ASCC3: variants seen among roughly 807,000 people sequenced by gnomAD.
ASCC3 encodes activating signal cointegrator 1 complex subunit 3.
ASCC3 carries 158 observed loss-of-function variants against 256.3 expected under a neutral mutation model. The ratio of observed to expected loss-of-function variants is 0.62; its 90% CI spans 0.54 to 0.70. The LOEUF is 0.70. ASCC3 is among the 30% of genes least tolerant of loss of function. The pLI is 0.00. For synonymous variants in ASCC3, 948 were observed against 883.4 expected (o/e 1.07, Z -1.30); for missense variants, 2,259 against 2,626.0 (o/e 0.86, Z 3.05).
intron 4 of ASCC3, among the ~76,000 whole-genome samples, chr6:100,809,942 C>CA (rs1421216936): frequency 2.0e-5 from 3 of 152,114 alleles, no homozygotes; most frequent in African/African-American, 7.2e-5. Flanking sequence ...CCCATTATGT[C>CA]ATATGCCCTG....
chr6:100,739,233 T>C (rs1021880842), intron 10 of ASCC3, among the ~76,000 whole-genome samples: 17 of 152,236 alleles, frequency 1.1e-4, no homozygotes, highest in African/African-American at 4.1e-4. Flanking sequence ...GTTTATACAA[T>C]GAATCACATT....
intron 36 of ASCC3, among the ~76,000 whole-genome samples, chr6:100,555,995 C>T (rs1385781290): frequency 6.6e-6 from 1 of 152,104 alleles, no homozygotes; most frequent in Non-Finnish European, 1.5e-5. Flanking sequence ...AACCACATCT[C>T]AAAAACAAAC....
chr6:100,590,199 A>G, intron 34 of ASCC3, 140 bp from the exon 35 acceptor site: 1 of 679,624 alleles, frequency 1.5e-6, no homozygotes, highest in South Asian at 1.9e-5. Context: ...AAACTCACAG[A>G]AATATTAATC....
chr6:100,718,371 A>G (rs572980677), intron 11 of ASCC3, 120 bp from the exon 12 acceptor site: 8 of 741,036 alleles, frequency 1.1e-5, no homozygotes, highest in South Asian at 2.0e-5. Context: ...GTAGAGGTCA[A>G]TTGAGGGTCC....
intron 4 of ASCC3, among the ~76,000 whole-genome samples, chr6:100,827,687 T>C (rs1023814292): frequency 2.6e-5 from 4 of 152,142 alleles, no homozygotes; most frequent in African/African-American, 7.2e-5. Context: ...AGCAAACAAA[T>C]CCTATACAGA....
intron 13 of ASCC3, among the ~76,000 whole-genome samples, chr6:100,693,212 G>A (rs927802877): frequency 1.2e-4 from 19 of 152,042 alleles, no homozygotes; most frequent in Non-Finnish European, 2.5e-4. Flanking sequence ...TTGAAAACTT[G>A]ATATTGTTAC....
intron 36 of ASCC3, among the ~76,000 whole-genome samples, chr6:100,547,838 T>C (rs1426288815): frequency 6.6e-6 from 1 of 151,810 alleles, no homozygotes; most frequent in East Asian, 1.9e-4. Flanking sequence ...CAAAGACTTG[T>C]ACACAGTAGT....
intron 4 of ASCC3, among the ~76,000 whole-genome samples, chr6:100,833,233 A>G (rs1048543113): frequency 7.9e-5 from 12 of 152,172 alleles, no homozygotes; most frequent in Admixed American, 4.6e-4. Flanking sequence ...GATTTCAACT[A>G]TATGACATCT....
intron 5 of ASCC3, among the ~76,000 whole-genome samples, chr6:100,801,981 CATT>C (rs1286493873): frequency 5.4e-5 from 8 of 148,306 alleles, no homozygotes; most frequent in African/African-American, 1.5e-4. Flanking sequence ...ATGCTAAAGT[CATT>C]AACATTTTAA....
At chr6:100,568,249 T>G (rs961703552) in intron 36 of ASCC3, among the ~76,000 whole-genome samples, 3 of 151,246 alleles carry the variant, frequency 2.0e-5, no homozygotes, top group African/African-American at 7.3e-5. Flanking sequence ...GCGCCTATAA[T>G]CCCAGCTACT....
At position 100,866,084 on chromosome 6, in the gene ASCC3, C is replaced by T. The variant is rs574389876; in HGVS notation, c.90+1824G>A. 3.3e-5 allele frequency among the ~76,000 whole-genome samples: 5 copies of T among 152,174 alleles called. No individual in the cohort carries two copies. The South Asian group carries it at 1.0e-3, about 32-fold the overall frequency. ...TTCCAGGTTCAAGCAATTCTCCTGC[C>T]TCAGCCTCCTGAGTAGCTGGGATTA... On this transcript the variant is annotated intron_variant, in intron 2 of 41. Coordinates refer to ENST00000369162, the MANE Select transcript of ASCC3 (RefSeq NM_006828.4).
chr6:100,782,794 T>C (rs1336249), intron 8 of ASCC3, among the ~76,000 whole-genome samples: 1 of 151,858 alleles, frequency 6.6e-6, no homozygotes, highest in Non-Finnish European at 1.5e-5. Context: ...AGCTGCAGAA[T>C]AGTATTATAA....
intron 1 of ASCC3, among the ~76,000 whole-genome samples, chr6:100,878,852 C>T (rs536049948): frequency 1.3e-5 from 2 of 152,318 alleles, no homozygotes; most frequent in South Asian, 4.1e-4. Flanking sequence ...AGCAAACAAT[C>T]ACTTCTGCAG....
chr6:100,824,820 C>T (rs1374737684), intron 4 of ASCC3, among the ~76,000 whole-genome samples: 1 of 152,020 alleles, frequency 6.6e-6, no homozygotes, highest in Non-Finnish European at 1.5e-5. Context: ...CTCATGTGTA[C>T]TTGCATAAAT....
At chr6:100,607,242 C>T (rs1772943990) in intron 30 of ASCC3, among the ~76,000 whole-genome samples, 154 bp from the exon 31 acceptor site, 1 of 151,882 alleles carries the variant, frequency 6.6e-6, no homozygotes. Context: ...GTTCAACTAA[C>T]TGAAAAGAAT....
intron 36 of ASCC3, among the ~76,000 whole-genome samples, chr6:100,577,871 A>G (rs766625703): frequency 1.3e-5 from 2 of 152,120 alleles, no homozygotes; most frequent in Non-Finnish European, 2.9e-5. Flanking sequence ...TTTTTGATGA[A>G]TCAGTATATA....
chr6:100,534,985 C>T (rs1270188070), intron 37 of ASCC3, among the ~76,000 whole-genome samples: 2 of 152,152 alleles, frequency 1.3e-5, no homozygotes, highest in African/African-American at 4.8e-5. Flanking sequence ...AAAAGAACTA[C>T]TAAGAATGAA....
At chr6:100,744,016 A>C (rs1359035425) in intron 10 of ASCC3, among the ~76,000 whole-genome samples, 1 of 152,212 alleles carries the variant, frequency 6.6e-6, no homozygotes, top group Non-Finnish European at 1.5e-5. Flanking sequence ...TTAAATGATT[A>C]ACATACTGAA....
Position 100,767,342 on chromosome 6 carries a change from C to T in ASCC3, c.1399G>A (p.Gly467Arg), listed in dbSNP as rs772379539. The change falls in exon 9 of 42, where the codon GGA becomes AGA. Residue 467 changes from glycine (G) to arginine (R), a missense_variant. Coordinates refer to ENST00000369162, the MANE Select transcript of ASCC3 (RefSeq NM_006828.4). ...TTCATTCCTTTAAAAGCCAGCTGTC[C>T]GATCTAAAAAAAAAAGGCATCACCC... The part of the protein sequence containing the change: ...PVYIQDLDEI[G>R]QLAFKGMKRL... The T allele has an allele frequency of 7.5e-6, 11 of 1,472,184 alleles. No individual in the cohort carries two copies. Among genetic ancestry groups the T allele is most frequent in the African/African-American group, 2.4e-5 (1 of 41,116 alleles). The allele number at this position is 1,472,184 out of a possible 1,614,324, so 91.2% of individuals were successfully genotyped here.
Sources: allele counts gnomAD v4.1 joint callset (sites outside exome capture counted in the v4.1 genomes callset), GRCh38; gene constraint gnomAD v4.1.1; transcripts MANE v1.5; gene names NCBI Gene and HGNC (gene_info 2026-07-23, HGNC 2026-07-21).